CWC27: variants seen among roughly 807,000 people sequenced by gnomAD.
CWC27 encodes CWC27 spliceosome associated cyclophilin.
In CWC27, 47 loss-of-function variants were observed where a neutral mutation model predicts 63.6. The observed-to-expected ratio is 0.74, with a 90% CI of 0.58 to 0.94. The LOEUF is 0.94. Among genes scored for constraint, CWC27 ranks in the 40% least tolerant of loss-of-function variants. CWC27 has a pLI of 0.00. For missense variants in CWC27, 495 were observed against 554.3 expected (o/e 0.89, Z 1.07); for synonymous variants, 175 against 179.8 (o/e 0.97, Z 0.22).
intron 11 of CWC27, among the ~76,000 whole-genome samples, chr5:64,898,344 A>G (rs774721060): frequency 4.6e-5 from 7 of 152,200 alleles, no homozygotes; most frequent in Admixed American, 1.3e-4. Context: ...AAACGCAGGC[A>G]AAATTAGCCC....
chr5:65,018,408 GGT>G lies in CWC27; in HGVS notation c.*91_*92del. Reference sequence around the variant, plus strand: ...ATTGTTCCCAACAGCATCACTTAGGGGTGTGAAAAGAAGTATTTTTGAACCTG... The same window carrying G: ...ATTGTTCCCAACAGCATCACTTAGGGGTGAAAAGAAGTATTTTTGAACCTG... On this transcript the variant is annotated 3_prime_UTR_variant, in exon 14 of 14. Coordinates refer to ENST00000381070, the MANE Select transcript of CWC27 (RefSeq NM_005869.4). 8.7e-7 allele frequency: 1 copy of G among 1,143,710 alleles called. No homozygotes were observed. The highest frequency in any genetic ancestry group is 1.2e-6 in the Non-Finnish European group (1 of 830,874). The allele number at this position is 1,143,710 out of a possible 1,614,324, so 70.8% of individuals were successfully genotyped here.
chr5:64,890,360 T>C (rs1356834888), intron 11 of CWC27, among the ~76,000 whole-genome samples: 1 of 152,208 alleles, frequency 6.6e-6, no homozygotes, highest in Non-Finnish European at 1.5e-5. Context: ...TGAAAGTATA[T>C]AGTTTTTGAG....
At chr5:64,929,068 C>T (rs1580731958) in intron 11 of CWC27, among the ~76,000 whole-genome samples, 1 of 150,582 alleles carries the variant, frequency 6.6e-6, no homozygotes. Flanking sequence ...TTGTAGGGAG[C>T]CAAGGTTCTC....
At chr5:64,802,301 C>T (rs1052237696) in intron 9 of CWC27, among the ~76,000 whole-genome samples, 9 of 152,186 alleles carry the variant, frequency 5.9e-5, no homozygotes, top group South Asian at 4.1e-4. Flanking sequence ...TGGTCCGAAG[C>T]AGGAGAGTTT....
intron 13 of CWC27, among the ~76,000 whole-genome samples, chr5:64,995,105 G>A (rs1749609011): frequency 6.7e-6 from 1 of 150,302 alleles, no homozygotes; most frequent in Non-Finnish European, 1.5e-5. Flanking sequence ...CCGAGTAGTT[G>A]GGACTACAGG....
chr5:64,856,896 G>A (rs1403245468), intron 10 of CWC27, among the ~76,000 whole-genome samples: 1 of 152,096 alleles, frequency 6.6e-6, no homozygotes, highest in Non-Finnish European at 1.5e-5. Context: ...ACTTTGTGAT[G>A]GACCAGATGT....
chr5:64,796,942 G>A (rs1202274027), intron 7 of CWC27, among the ~76,000 whole-genome samples: 4 of 73,536 alleles, frequency 5.4e-5, no homozygotes, highest in South Asian at 4.7e-4. Context: ...TGTCTCCCCC[G>A]TCACTTCCCC....
rs577354164 is a variant in CWC27, at chr5:64,951,137, A to C, written c.1043-20566A>C. On this transcript the variant is annotated intron_variant, in intron 11 of 13. Coordinates refer to ENST00000381070, the MANE Select transcript of CWC27 (RefSeq NM_005869.4). The stretch of plus-strand genomic sequence containing the variant: ...ATTTCTGGGTCATATGGTAGTTCAT[A>C]AGAAACTGCCAACCTGTCTTCCAAA... 3.3e-5 allele frequency among the ~76,000 whole-genome samples: 5 copies of C among 152,024 alleles called. No individual in the cohort carries two copies. In the South Asian group the frequency reaches 8.3e-4, roughly 25 times the overall value.
rs527717943 is a variant in CWC27, at chr5:65,001,647, AC to A, written c.1257-16511del. ...ATTGATTTGTGTATGTTGAACCATA[AC>A]TGCATCCCTGGGATGAATCCCACTT... On this transcript the variant is annotated intron_variant, in intron 13 of 13. Transcript: ENST00000381070. Among the ~76,000 whole-genome samples, 490 of 152,190 alleles carry A rather than the reference AC, an allele frequency of 3.2e-3. 1 individual carries two copies. Among genetic ancestry groups the A allele is most frequent in the Non-Finnish European group, 6.0e-3 (408 of 67,938 alleles).
chr5:64,962,191 T>G (rs947975320), intron 11 of CWC27, among the ~76,000 whole-genome samples: 6 of 152,234 alleles, frequency 3.9e-5, no homozygotes, highest in Admixed American at 3.3e-4. Context: ...CTTCCTGTTC[T>G]GGCAACATGG....
At chr5:64,945,772 G>A (rs759034559) in intron 11 of CWC27, among the ~76,000 whole-genome samples, 22 of 152,260 alleles carry the variant, frequency 1.4e-4, no homozygotes, top group Non-Finnish European at 2.4e-4. Context: ...ATGATATTTT[G>A]TAGAATACTG....
At chr5:64,776,098 A>G (rs1221181353) in intron 2 of CWC27, among the ~76,000 whole-genome samples, 1 of 150,586 alleles carries the variant, frequency 6.6e-6, no homozygotes, top group African/African-American at 2.4e-5. Flanking sequence ...AGAGAGAGAG[A>G]GAGAGAGAGA....
At chr5:64,878,197 C>T (rs931653706) in intron 10 of CWC27, among the ~76,000 whole-genome samples, 6 of 151,764 alleles carry the variant, frequency 4.0e-5, no homozygotes, top group African/African-American at 1.5e-4. Flanking sequence ...AAACACATTT[C>T]TTCCCAAGAC....
At chr5:64,890,790 G>A (rs1382416802) in intron 11 of CWC27, among the ~76,000 whole-genome samples, 1 of 152,054 alleles carries the variant, frequency 6.6e-6, no homozygotes, top group Non-Finnish European at 1.5e-5. Context: ...GTGAGGGAGC[G>A]TATACTCTAA....
intron 11 of CWC27, among the ~76,000 whole-genome samples, chr5:64,932,646 A>G (rs1000176640): frequency 3.3e-5 from 5 of 152,154 alleles, no homozygotes; most frequent in African/African-American, 1.2e-4. Flanking sequence ...CAAACAGTTC[A>G]ATCAACCATC....
chr5:64,817,512 A>C (rs1745073464), intron 10 of CWC27, among the ~76,000 whole-genome samples: 1 of 152,184 alleles, frequency 6.6e-6, no homozygotes, highest in South Asian at 2.1e-4. Context: ...AAGAACTAAC[A>C]ACCACTGTAG....
At chr5:64,906,256 T>C (rs1747638227) in intron 11 of CWC27, among the ~76,000 whole-genome samples, 1 of 152,150 alleles carries the variant, frequency 6.6e-6, no homozygotes, top group Non-Finnish European at 1.5e-5. Flanking sequence ...AATAGCCACA[T>C]TGTCTTCCAC....
chr5:65,003,147 C>T (rs930845380), intron 13 of CWC27, among the ~76,000 whole-genome samples: 2 of 152,104 alleles, frequency 1.3e-5, no homozygotes, highest in African/African-American at 4.8e-5. Context: ...AATCTTTTTC[C>T]ATCCCTTCAT....
chr5:64,848,123 T>C (rs1746037760), intron 10 of CWC27, among the ~76,000 whole-genome samples: 1 of 151,706 alleles, frequency 6.6e-6, no homozygotes, highest in Non-Finnish European at 1.5e-5. Context: ...TTAGCTAACT[T>C]AAGAGAAAAG....
Sources: gnomAD v4.1 joint callset for allele counts (sites outside exome capture counted in the v4.1 genomes callset) on GRCh38, gnomAD v4.1.1 for gene constraint, MANE v1.5 for transcripts, NCBI Gene and HGNC (gene_info 2026-07-23, HGNC 2026-07-21) for gene names.